The following TRPM6 variants were observed in gnomAD, a reference collection of about 807,000 sequenced individuals.
The protein encoded by TRPM6 is transient receptor potential cation channel subfamily M member 6.
Under a neutral mutation model 247.6 loss-of-function variants are expected in TRPM6, and 111 were observed. The observed-to-expected ratio is 0.45, with a 90% CI of 0.38 to 0.52. TRPM6 has a LOEUF of 0.52. Among genes scored for constraint, TRPM6 ranks in the 20% least tolerant of loss-of-function variants. The pLI, the probability that TRPM6 is intolerant of heterozygous loss-of-function variation, is 0.00. For synonymous variants in TRPM6, 892 were observed against 853.8 expected, an observed-to-expected ratio of 1.04 and a Z score of -0.78; for missense variants, 2,126 against 2,421.5, an observed-to-expected ratio of 0.88 and a Z score of 2.56.
intron 1 of TRPM6, among the ~76,000 whole-genome samples, chr9:74,867,941 T>G (rs965243423): frequency 6.6e-6 from 1 of 150,690 alleles, no homozygotes; most frequent in Non-Finnish European, 1.5e-5. Context: ...TCACGTGAGG[T>G]CAGGAGTTCC....
intron 31 of TRPM6, among the ~76,000 whole-genome samples, chr9:74,746,492 T>C (rs539550839): frequency 6.6e-6 from 1 of 152,280 alleles, no homozygotes; most frequent in South Asian, 2.1e-4. Context: ...TCAGTCATAT[T>C]CTGCAAGGCA....
intron 1 of TRPM6, 64 bp downstream of exon 1, chr9:74,887,760 G>A: frequency 6.2e-7 from 1 of 1,613,908 alleles, no homozygotes. Context: ...CTAAGGCCGG[G>A]GGCGCAGATC....
intron 19 of TRPM6, among the ~76,000 whole-genome samples, chr9:74,791,104 G>A (rs1827883332): frequency 3.3e-5 from 5 of 152,158 alleles, no homozygotes; most frequent in African/African-American, 9.7e-5. Flanking sequence ...AAATTTCCAA[G>A]GGAAGAAATG....
Position 74,724,647 on chromosome 9 carries a change from C to T in TRPM6, c.6035G>A (p.Gly2012Asp). Reference protein sequence around the residue: ...SAEEPPARETGRNSPEDDMQL With the variant: ...SAEEPPARETDRNSPEDDMQL ...CATATCATCTTCTGGGGAATTTCTA[C>T]CCGTCTCCCTTGCTGGAGGCTCCTC... The change falls in exon 39 of 39, where the codon GGT becomes GAT. Residue 2012 changes from glycine to aspartate, a missense_variant. Around this residue, in one of 3 missense-constraint regions of TRPM6, gnomAD observed 327 missense variants for 397.7 expected, o/e 0.82. Transcript: ENST00000360774. 1 of 1,614,190 alleles carries T rather than the reference C, an allele frequency of 6.2e-7. No individual in the cohort carries two copies. The highest frequency in any genetic ancestry group is 8.5e-7 in the Non-Finnish European group (1 of 1,180,020).
chr9:74,813,499 A>C (rs531295932), intron 11 of TRPM6, among the ~76,000 whole-genome samples: 23 of 152,352 alleles, frequency 1.5e-4, no homozygotes, highest in Non-Finnish European at 2.2e-4. Flanking sequence ...TACACCTTCC[A>C]GTCAGGGAAC....
chr9:74,775,343 C>G (rs1279177882), intron 24 of TRPM6, among the ~76,000 whole-genome samples: 1 of 152,144 alleles, frequency 6.6e-6, no homozygotes, highest in African/African-American at 2.4e-5. Context: ...GCATGCACTA[C>G]CGCACCCAGT....
intron 33 of TRPM6, 59 bp downstream of exon 33, chr9:74,742,502 C>G: frequency 6.6e-7 from 1 of 1,508,784 alleles, no homozygotes; most frequent in Non-Finnish European, 9.2e-7. Flanking sequence ...TCCTTTGATT[C>G]ACTCAGATTT....
chr9:74,761,717 A>G lies in TRPM6; in HGVS notation c.4764T>C (p.Asn1588=), dbSNP rs2274925. Residue 1588 remains asparagine, a synonymous_variant, in exon 27 of 39, where the codon AAT becomes AAC. Transcript: ENST00000360774. ...KDRRLSKKKK[N]TQGLQVPIIT... ...TTACTGGCACCTGGAGTCCTTGAGTATTCTTCTTTTTCTTTGACAGTCTCC... is the reference window on the plus strand; with the variant it reads ...TTACTGGCACCTGGAGTCCTTGAGTGTTCTTCTTTTTCTTTGACAGTCTCC... The G allele has an allele frequency of 0.085, 136,965 of 1,608,974 alleles. 8,590 individuals carry two copies. The highest frequency in any genetic ancestry group is 0.31 in the African/African-American group (23,438 of 74,758).
chr9:74,751,393 A>G (rs1826238467), intron 29 of TRPM6, among the ~76,000 whole-genome samples: 1 of 152,188 alleles, frequency 6.6e-6, no homozygotes, highest in East Asian at 1.9e-4. Flanking sequence ...TGAAACGTAG[A>G]AAGTGGCAGA....
chr9:74,743,980 C>A, intron 32 of TRPM6, 115 bp downstream of exon 32: 1 of 1,040,436 alleles, frequency 9.6e-7, no homozygotes, highest in Non-Finnish European at 1.5e-6. Context: ...TGAACAATAA[C>A]TTTTCAAGTC....
chr9:74,853,411 T>C (rs1456036736), intron 3 of TRPM6, among the ~76,000 whole-genome samples: 1 of 152,128 alleles, frequency 6.6e-6, no homozygotes. Flanking sequence ...TTTTGTCAAA[T>C]AGAAAAAGGG....
Position 74,803,780 on chromosome 9 carries a change from C to T in TRPM6, c.1731+14G>A, listed in dbSNP as rs372739456. 1 of 1,584,490 alleles carries T rather than the reference C, an allele frequency of 6.3e-7. No individual in the cohort carries two copies. The highest frequency in any genetic ancestry group is 1.3e-5 in the African/African-American group (1 of 74,298). ...AACATTTTCCTTTCAAGTTGAAAAA[C>T]AAGTAAATGGTACCTTGAATTTGTA... On this transcript the variant is annotated intron_variant, in intron 15 of 38. Transcript: ENST00000360774.
intron 20 of TRPM6, among the ~76,000 whole-genome samples, chr9:74,788,082 C>T (rs942437165): frequency 1.3e-5 from 2 of 151,638 alleles, no homozygotes; most frequent in Non-Finnish European, 2.9e-5. Context: ...TTTTTTGTTT[C>T]TTGGACTATT....
At chr9:74,858,585 T>G (rs2118362329) in intron 2 of TRPM6, 84 bp downstream of exon 2, 2 of 850,226 alleles carry the variant, frequency 2.4e-6, no homozygotes, top group South Asian at 3.3e-5. Flanking sequence ...TCAAAACTTC[T>G]AAACAAGTCA....
At chr9:74,772,691 A>C (rs1358721941) in intron 24 of TRPM6, among the ~76,000 whole-genome samples, 2 of 152,058 alleles carry the variant, frequency 1.3e-5, no homozygotes, top group Non-Finnish European at 2.9e-5. Context: ...TGAAATGTAT[A>C]ATCAATTAAT....
Position 74,840,257 on chromosome 9 carries a change from A to T in TRPM6, c.331-20T>A. The stretch of plus-strand genomic sequence containing the variant: ...AATATACTGCAAGAAAAGCACATGT[A>T]GGTGAACAGAACATTGTAAAAAAGT... On this transcript the variant is annotated intron_variant, in intron 4 of 38. Transcript: ENST00000360774. The T allele has an allele frequency of 6.4e-7, 1 of 1,551,852 alleles. No homozygotes were observed. Among genetic ancestry groups the T allele is most frequent in the East Asian group, 2.2e-5 (1 of 44,478 alleles).
At chr9:74,822,456 T>C (rs985530205) in intron 7 of TRPM6, among the ~76,000 whole-genome samples, 16 of 151,390 alleles carry the variant, frequency 1.1e-4, no homozygotes, top group African/African-American at 3.9e-4. Flanking sequence ...GGTCTCCCTA[T>C]GTTGCTCAGG....
At chr9:74,742,047 G>T (rs1825883390) in intron 33 of TRPM6, among the ~76,000 whole-genome samples, 1 of 152,176 alleles carries the variant, frequency 6.6e-6, no homozygotes, top group Non-Finnish European at 1.5e-5. Flanking sequence ...GCCAGACAGA[G>T]AAATTTTGAT....
intron 1 of TRPM6, among the ~76,000 whole-genome samples, chr9:74,867,646 G>A (rs1175563077): frequency 1.3e-5 from 2 of 152,112 alleles, no homozygotes; most frequent in Admixed American, 6.6e-5. Context: ...CAACTTTAAT[G>A]CCTACCACAC....
Sources: gnomAD v4.1 joint callset for allele counts (sites outside exome capture counted in the v4.1 genomes callset) on GRCh38, gnomAD v4.1.1 for gene constraint, gnomAD v4.1.1 regional missense constraint, MANE v1.5 for transcripts, NCBI Gene and HGNC (gene_info 2026-07-23, HGNC 2026-07-21) for gene names.